The following SUDS3 variants were observed in gnomAD, a reference collection of about 807,000 sequenced individuals.
The protein encoded by SUDS3 is SIN3A corepressor complex component SDS3.
In SUDS3, 23 loss-of-function variants were observed where a neutral mutation model predicts 53.5. The observed-to-expected ratio is 0.43, with a 90% confidence interval of 0.31 to 0.61. SUDS3 has a LOEUF of 0.61. Among genes scored for constraint, SUDS3 ranks in the 20% least tolerant of loss-of-function variants. The probability of loss-of-function intolerance (pLI) is 0.10; values close to 1 mark genes in which losing one functional copy is unlikely to be tolerated. For synonymous variants in SUDS3, 150 were observed against 148.5 expected, an observed-to-expected ratio of 1.01 and a Z score of -0.08; for missense variants, 291 against 405.9, an observed-to-expected ratio of 0.72 and a Z score of 2.43.
chr12:118,414,691 G>A lies in SUDS3; in HGVS notation c.*258G>A, dbSNP rs2046385400. The A allele has an allele frequency of 2.8e-6, 1 of 354,146 alleles. No individual in the cohort carries two copies. The highest frequency in any genetic ancestry group is 5.0e-6 in the Non-Finnish European group (1 of 198,920). 21.9% of individuals were successfully genotyped at this position (354,146 alleles called of 1,614,324 possible). A position where few individuals can be genotyped will look rare whatever the true frequency, so the allele number is the denominator to read the frequency against. On this transcript the variant is annotated 3_prime_UTR_variant, in exon 12 of 12. Coordinates refer to ENST00000543473, the MANE Select transcript of SUDS3 (RefSeq NM_022491.3). The stretch of plus-strand genomic sequence containing the variant: ...TACTTTCAGGCGTATTGGGGGGTTT[G>A]ATTTACTTTCCTTTTATTTCTTTAT...
chr12:118,402,905 C>G (rs2046276251), intron 9 of SUDS3, among the ~76,000 whole-genome samples: 2 of 152,100 alleles, frequency 1.3e-5, no homozygotes. Flanking sequence ...GGACAACAGG[C>G]ATGTGCCACC....
In SUDS3 at chr12:118,396,037, C is replaced by T. The variant is rs538456200; in HGVS notation, c.518-4622C>T. ...ACCTTAGGCGCTCTTCTGTTACCAC[C>T]GCAGCATTAATTTGTGTCAACATTG... On this transcript the variant is annotated intron_variant, in intron 6 of 11. Transcript: ENST00000543473. 8.5e-5 allele frequency among the ~76,000 whole-genome samples: 13 copies of T among 152,150 alleles called. No homozygotes were observed. In the East Asian group the frequency reaches 1.4e-3, roughly 16 times the overall value.
intron 1 of SUDS3, among the ~76,000 whole-genome samples, chr12:118,378,432 G>T (rs888629592): frequency 6.6e-6 from 1 of 151,278 alleles, no homozygotes; most frequent in African/African-American, 2.4e-5. Flanking sequence ...ACAGTGTAGC[G>T]TAACAACTAC....
At chr12:118,408,135 G>A (rs1381373310) in intron 10 of SUDS3, among the ~76,000 whole-genome samples, 6 of 152,052 alleles carry the variant, frequency 3.9e-5, no homozygotes, top group Non-Finnish European at 5.9e-5. Context: ...TCCTGACCTC[G>A]TGATATACCC....
rs1478397090 is a variant in SUDS3, at chr12:118,410,977, T to A, written c.804-96T>A. ...TGTGAATTATTAAGACTTCTTTAAT[T>A]ATAATTTTTGTTGTGATGGTGTTTT... On this transcript the variant is annotated intron_variant, in intron 10 of 11. Coordinates refer to ENST00000543473, the MANE Select transcript of SUDS3 (RefSeq NM_022491.3). 5 of 956,096 alleles carry A rather than the reference T, an allele frequency of 5.2e-6. No individual in the cohort carries two copies. In the East Asian group the frequency reaches 1.3e-4, roughly 25 times the overall value. The allele number at this position is 956,096 out of a possible 1,614,324, so 59.2% of individuals were successfully genotyped here. A position where few individuals can be genotyped will look rare whatever the true frequency, so the allele number is the denominator to read the frequency against.
intron 6 of SUDS3, among the ~76,000 whole-genome samples, chr12:118,399,527 A>G (rs894785665): frequency 6.6e-6 from 1 of 151,906 alleles, no homozygotes; most frequent in Non-Finnish European, 1.5e-5. Flanking sequence ...ATTTAGTAAC[A>G]AGAGTGATAC....
chr12:118,376,971 C>T (rs2046003203), intron 1 of SUDS3, 138 bp downstream of exon 1: 1 of 1,159,264 alleles, frequency 8.6e-7, no homozygotes, highest in South Asian at 1.9e-5. Flanking sequence ...TTGCGGGGCT[C>T]GGGGAAGTTA....
chr12:118,387,273 TGCTC>T (rs1308358203), intron 4 of SUDS3, among the ~76,000 whole-genome samples: 1 of 152,200 alleles, frequency 6.6e-6, no homozygotes, highest in Non-Finnish European at 1.5e-5. Flanking sequence ...CTCAACCGGT[TGCTC>T]TTCCTAGACT....
At chr12:118,393,926 C>T (rs921839540) in intron 6 of SUDS3, among the ~76,000 whole-genome samples, 1 of 152,116 alleles carries the variant, frequency 6.6e-6, no homozygotes, top group Non-Finnish European at 1.5e-5. Context: ...CTGCCTCAGC[C>T]TCCCAAAGTG....
chr12:118,385,596 T>A (rs916383451), intron 3 of SUDS3, among the ~76,000 whole-genome samples: 5 of 152,232 alleles, frequency 3.3e-5, no homozygotes, highest in Non-Finnish European at 5.9e-5. Context: ...CCTGAATTGT[T>A]TAATGCTGTC....
chr12:118,380,745 C>T (rs954488470), intron 2 of SUDS3, among the ~76,000 whole-genome samples: 6 of 152,198 alleles, frequency 3.9e-5, no homozygotes, highest in African/African-American at 7.2e-5. Flanking sequence ...CTTGCTCTTT[C>T]GTCCAGACTG....
At chr12:118,405,071 A>T (rs1358023279) in intron 10 of SUDS3, among the ~76,000 whole-genome samples, 1 of 152,204 alleles carries the variant, frequency 6.6e-6, no homozygotes, top group Non-Finnish European at 1.5e-5. Context: ...GGTTTGTGTT[A>T]TATCTTAACA....
intron 6 of SUDS3, 29 bp downstream of exon 6, chr12:118,391,311 G>A: frequency 6.3e-7 from 1 of 1,585,926 alleles, no homozygotes; most frequent in Non-Finnish European, 8.5e-7. Context: ...GTGGGATCTT[G>A]GGGGCCCTGA....
At chr12:118,406,520 A>G (rs2046310014) in intron 10 of SUDS3, among the ~76,000 whole-genome samples, 1 of 152,158 alleles carries the variant, frequency 6.6e-6, no homozygotes, top group Non-Finnish European at 1.5e-5. Context: ...GGTAATTTCT[A>G]GTTTTGTTCG....
In SUDS3 at chr12:118,380,211, CTA is replaced by C. The variant is rs756804964; in HGVS notation, c.194_195del (p.Tyr65CysfsTer57). 6.2e-7 allele frequency: 1 copy of C among 1,608,282 alleles called. No homozygotes were observed. Among genetic ancestry groups the C allele is most frequent in the South Asian group, 1.1e-5 (1 of 89,550 alleles). On this transcript the variant is annotated frameshift_variant, in exon 2 of 12. Transcript: ENST00000543473. LOFTEE classifies it high-confidence loss of function. ...ACCTGGCAAAGCATGATGAAGAAGA[CTA>C]TGTAGAAATGAAGGAACAGTGAGTA... ...TDLAKHDEEDYVEMKEQMYQD... is the reference protein window; with the variant it reads ...TDLAKHDEEDXVEMKEQMYQD...
intron 7 of SUDS3, 39 bp downstream of exon 7, chr12:118,400,793 T>G: frequency 6.3e-7 from 1 of 1,583,522 alleles, no homozygotes; most frequent in Non-Finnish European, 8.7e-7. Context: ...CTTTCTTTTT[T>G]AAGACTGTGG....
intron 4 of SUDS3, among the ~76,000 whole-genome samples, chr12:118,387,794 G>T (rs1224032583): frequency 6.6e-6 from 1 of 152,050 alleles, no homozygotes; most frequent in Non-Finnish European, 1.5e-5. Flanking sequence ...CAGGTGATCC[G>T]CCCGGCTCGC....
chr12:118,413,671 G>A (rs978480069), intron 11 of SUDS3, among the ~76,000 whole-genome samples: 1 of 152,134 alleles, frequency 6.6e-6, no homozygotes, highest in African/African-American at 2.4e-5. Context: ...GTCCCCTGTT[G>A]CAAGAGTTCA....
chr12:118,401,283 C>T (rs977220924), intron 7 of SUDS3, among the ~76,000 whole-genome samples: 15 of 152,134 alleles, frequency 9.9e-5, no homozygotes, highest in African/African-American at 3.1e-4. Context: ...CTGTTCCTTT[C>T]GAGGAGATGG....
Sources: allele counts gnomAD v4.1 joint callset (sites outside exome capture counted in the v4.1 genomes callset), GRCh38; gene constraint gnomAD v4.1.1; transcripts MANE v1.5; gene names NCBI Gene and HGNC (gene_info 2026-07-23, HGNC 2026-07-21).